ZNF365: variants seen among roughly 807,000 people sequenced by gnomAD.
The protein encoded by ZNF365 is zinc finger protein 365.
ZNF365 carries 22 observed loss-of-function variants against 35.0 expected under a neutral mutation model. The observed-to-expected ratio is 0.63, with a 90% CI of 0.45 to 0.90. ZNF365 has a LOEUF of 0.90. Among genes scored for constraint, ZNF365 ranks in the 40% least tolerant of loss-of-function variants. ZNF365 has a pLI of 0.00. For missense variants in ZNF365, 448 were observed against 500.3 expected (o/e 0.90, Z 1.00); for synonymous variants, 188 against 196.2 (o/e 0.96, Z 0.35).
At chr10:62,465,401 G>A (rs1458823146) in intron 4 of ZNF365, among the ~76,000 whole-genome samples, 1 of 152,142 alleles carries the variant, frequency 6.6e-6, no homozygotes, top group Non-Finnish European at 1.5e-5. Flanking sequence ...GGTGGTGGGG[G>A]GCAGACAGGT....
intron 3 of ZNF365, among the ~76,000 whole-genome samples, chr10:62,452,931 C>G (rs1308516568): frequency 6.6e-6 from 1 of 152,190 alleles, no homozygotes; most frequent in South Asian, 2.1e-4. Flanking sequence ...ATATTCTTTG[C>G]TGTGGAAAGG....
At chr10:62,429,477 C>A (rs1165175037) in intron 3 of ZNF365, among the ~76,000 whole-genome samples, 2 of 152,184 alleles carry the variant, frequency 1.3e-5, no homozygotes, top group African/African-American at 2.4e-5. Flanking sequence ...TAGATTTTGA[C>A]CTTGAACATA....
At chr10:62,396,428 C>CAA (rs1839729107) in intron 3 of ZNF365, among the ~76,000 whole-genome samples, 2 of 152,056 alleles carry the variant, frequency 1.3e-5, no homozygotes, top group Non-Finnish European at 2.9e-5. Flanking sequence ...TGCTTACCTC[C>CAA]TAGGGCTGCT....
At chr10:62,412,627 A>G (rs566419592) in intron 3 of ZNF365, among the ~76,000 whole-genome samples, 32 of 152,116 alleles carry the variant, frequency 2.1e-4, no homozygotes, top group Non-Finnish European at 3.2e-4. Flanking sequence ...ACATTCCAAT[A>G]CACCAACAAC....
intron 4 of ZNF365, among the ~76,000 whole-genome samples, chr10:62,473,370 A>C (rs984311249): frequency 6.6e-6 from 1 of 152,216 alleles, no homozygotes; most frequent in Non-Finnish European, 1.5e-5. Flanking sequence ...AACTTTGTTG[A>C]TCTGACTTCT....
At chr10:62,377,094 T>C (rs1305432854) in intron 2 of ZNF365, among the ~76,000 whole-genome samples, 158 bp downstream of exon 2, 1 of 152,242 alleles carries the variant, frequency 6.6e-6, no homozygotes, top group Non-Finnish European at 1.5e-5. Flanking sequence ...AAGGCTTTGA[T>C]ATCATTTACC....
intron 3 of ZNF365, among the ~76,000 whole-genome samples, chr10:62,413,398 C>G (rs1277228518): frequency 6.6e-6 from 1 of 152,106 alleles, no homozygotes. Context: ...CTTATTTGAC[C>G]ATGGAACTGT....
At chr10:62,428,061 T>C (rs1840276671) in intron 3 of ZNF365, among the ~76,000 whole-genome samples, 1 of 152,192 alleles carries the variant, frequency 6.6e-6, no homozygotes, top group African/African-American at 2.4e-5. Context: ...TTTTGTATCA[T>C]TTTTTACCTT....
chr10:62,452,399 C>T (rs1324854413), intron 3 of ZNF365, among the ~76,000 whole-genome samples: 3 of 152,062 alleles, frequency 2.0e-5, no homozygotes, highest in Non-Finnish European at 1.5e-5. Context: ...GAATAATGAC[C>T]GCACATTTTA....
chr10:62,447,668 G>C (rs941621999), intron 3 of ZNF365, among the ~76,000 whole-genome samples: 1 of 152,208 alleles, frequency 6.6e-6, no homozygotes, highest in Non-Finnish European at 1.5e-5. Context: ...CCTACCTCCT[G>C]ATGGTGTGCT....
intron 4 of ZNF365, among the ~76,000 whole-genome samples, chr10:62,476,010 A>G (rs1386899939): frequency 1.1e-4 from 16 of 151,910 alleles, no homozygotes. Context: ...CAGTGGAGGG[A>G]GCCAAGGTCA....
chr10:62,418,835 G>A (rs545771380), intron 3 of ZNF365, among the ~76,000 whole-genome samples: 4 of 152,054 alleles, frequency 2.6e-5, no homozygotes, highest in Non-Finnish European at 5.9e-5. Flanking sequence ...AGAGTAGAGA[G>A]CTCTTCCTGC....
At chr10:62,474,546 C>T (rs1437453127) in intron 4 of ZNF365, among the ~76,000 whole-genome samples, 1 of 152,074 alleles carries the variant, frequency 6.6e-6, no homozygotes, top group East Asian at 1.9e-4. Context: ...TCTCCAGTTC[C>T]TCTAAGGAAA....
At chr10:62,392,256 A>G (rs1215792756) in intron 3 of ZNF365, among the ~76,000 whole-genome samples, 7 of 151,994 alleles carry the variant, frequency 4.6e-5, no homozygotes, top group Non-Finnish European at 1.0e-4. Flanking sequence ...AGTCTCATCT[A>G]TTTATCTTTG....
At chr10:62,426,596 A>G (rs915196318) in intron 3 of ZNF365, among the ~76,000 whole-genome samples, 1 of 152,126 alleles carries the variant, frequency 6.6e-6, no homozygotes, top group Admixed American at 6.6e-5. Flanking sequence ...GAGGAACACC[A>G]GGTTCTGGTC....
chr10:62,395,553 C>T (rs1188402715), intron 3 of ZNF365, among the ~76,000 whole-genome samples: 2 of 127,624 alleles, frequency 1.6e-5, no homozygotes, highest in Non-Finnish European at 3.2e-5. Context: ...ACGGGGGTTT[C>T]ACCATATGGG....
chr10:62,418,852 T>C (rs1037583349), intron 3 of ZNF365, among the ~76,000 whole-genome samples: 1 of 151,862 alleles, frequency 6.6e-6, no homozygotes. Context: ...CTGCATCTGC[T>C]GAGTCTCAAT....
chr10:62,386,683 CTATT>C (rs1346051036), intron 2 of ZNF365, among the ~76,000 whole-genome samples: 1 of 152,178 alleles, frequency 6.6e-6, no homozygotes, highest in African/African-American at 2.4e-5. Flanking sequence ...GGCACACTGA[CTATT>C]AGTACAGAAG....
chr10:62,404,432 G>A (rs1839875151), downstream of ZNF365, among the ~76,000 whole-genome samples: 1 of 152,194 alleles, frequency 6.6e-6, no homozygotes, highest in Non-Finnish European at 1.5e-5. Context: ...AAGCACAACG[G>A]AATAGGTCAC....
Sources: gnomAD v4.1 joint callset for allele counts (sites outside exome capture counted in the v4.1 genomes callset) on GRCh38, gnomAD v4.1.1 for gene constraint, MANE v1.5 for transcripts, NCBI Gene and HGNC (gene_info 2026-07-23, HGNC 2026-07-21) for gene names.